Variants in NUP155 observed in about 807,000 individuals in gnomAD.
NUP155 encodes the protein nuclear pore complex protein Nup155.
NUP155 carries 71 observed loss-of-function variants against 180.4 expected under a neutral mutation model. The ratio of observed to expected loss-of-function variants is 0.39; its 90% confidence interval spans 0.33 to 0.48. The LOEUF (loss-of-function observed/expected upper bound fraction) is 0.48, where lower values mean the gene tolerates loss of function less well. Ranked by LOEUF, NUP155 falls within the 20% of genes least tolerant of loss-of-function variation. The pLI, the probability that NUP155 is intolerant of heterozygous loss-of-function variation, is 0.91. For synonymous variants in NUP155, 582 were observed against 559.5 expected, an observed-to-expected ratio of 1.04 and a Z score of -0.57; for missense variants, 1,553 against 1,648.9, an observed-to-expected ratio of 0.94 and a Z score of 1.01.
At chr5:37,292,262 C>G (rs1489653361) in intron 34 of NUP155, among the ~76,000 whole-genome samples, 1 of 150,996 alleles carries the variant, frequency 6.6e-6, no homozygotes, top group African/African-American at 2.4e-5. Flanking sequence ...GTCACTCAGG[C>G]TGCAGTGCAG....
At chr5:37,300,350 T>C (rs574544118) in intron 30 of NUP155, among the ~76,000 whole-genome samples, 70 of 152,334 alleles carry the variant, frequency 4.6e-4, no homozygotes, top group South Asian at 1.0e-3. Flanking sequence ...AGTCACCCTA[T>C]TGTGCTATCA....
intron 9 of NUP155, among the ~76,000 whole-genome samples, chr5:37,348,256 A>G (rs1176057105): frequency 6.6e-6 from 1 of 152,086 alleles, no homozygotes; most frequent in Non-Finnish European, 1.5e-5. Context: ...GTGAGCCAAG[A>G]TTGTGTCACT....
intron 19 of NUP155, 126 bp downstream of exon 19, chr5:37,325,768 CAAAAAAA>C (rs58741619): frequency 3.6e-5 from 13 of 361,100 alleles, no homozygotes; most frequent in African/African-American, 1.2e-4. Flanking sequence ...GACTCTGTCT[CAAAAAAA>C]AAAAAAAAAA....
intron 1 of NUP155, among the ~76,000 whole-genome samples, chr5:37,367,792 C>T (rs573438812): frequency 6.0e-5 from 9 of 148,966 alleles, no homozygotes; most frequent in East Asian, 6.0e-4. Flanking sequence ...CTGGGCCTCC[C>T]ATTTCTTTTG....
rs1744687281 is a variant in NUP155 at position 37,327,657 on chromosome 5, T to C, written c.1996A>G (p.Ile666Val). ...EIVYSGKHNGICIYFSRIMGN... is the reference protein window; with the variant it reads ...EIVYSGKHNGVCIYFSRIMGN... ...ATGATCCGAGAAAAGTAAATGCAAA[T>C]ACCATTGTGTTTTCCAGAGTACACA... Residue 666 changes from isoleucine to valine, a missense_variant, in exon 18 of 35, where the codon ATT (isoleucine) becomes GTT (valine). Transcript: ENST00000231498. 1.9e-6 allele frequency: 3 copies of C among 1,613,956 alleles called. No homozygotes were observed. The highest frequency in any genetic ancestry group is 2.2e-5 in the South Asian group (2 of 91,086).
intron 9 of NUP155, among the ~76,000 whole-genome samples, chr5:37,345,221 C>T (rs981941692): frequency 2.6e-5 from 4 of 151,530 alleles, no homozygotes; most frequent in Non-Finnish European, 5.9e-5. Context: ...ATGTAACAGA[C>T]TAAAGGCATG....
At chr5:37,299,241 T>G (rs565032837) in intron 31 of NUP155, among the ~76,000 whole-genome samples, 1 of 152,342 alleles carries the variant, frequency 6.6e-6, no homozygotes, top group South Asian at 2.1e-4. Flanking sequence ...ACCTTTTCAC[T>G]GAGTATTCTC....
At chr5:37,362,483 T>C (rs2111707722) in intron 3 of NUP155, among the ~76,000 whole-genome samples, 1 of 152,144 alleles carries the variant, frequency 6.6e-6, no homozygotes, top group African/African-American at 2.4e-5. Context: ...AGATGGGCTT[T>C]CTCCATGTTG....
chr5:37,296,601 C>A (rs1468149619), intron 32 of NUP155, among the ~76,000 whole-genome samples: 2 of 151,626 alleles, frequency 1.3e-5, no homozygotes, highest in African/African-American at 4.9e-5. Context: ...CCTTTGTTCA[C>A]TTGTTTATCT....
At chr5:37,304,883 T>C in intron 26 of NUP155, 40 bp from the exon 27 acceptor site, 1 of 1,569,900 alleles carries the variant, frequency 6.4e-7, no homozygotes, top group Non-Finnish European at 8.8e-7. Flanking sequence ...AGTTAAAGGC[T>C]CTGTTTCTGG....
rs115828387 is a variant in NUP155, at chr5:37,352,714, C to T, written c.556+23G>A. ...GCCAAAATACTATTATTTTAAAAAA[C>T]GTTAACATGTGGGTTGCCATACCTG... On this transcript the variant is annotated intron_variant, in intron 5 of 34. Coordinates refer to ENST00000231498, the MANE Select transcript of NUP155 (RefSeq NM_153485.3). 2.9e-4 allele frequency: 434 copies of T among 1,508,706 alleles called. No individual in the cohort carries two copies. In the Middle Eastern group the frequency reaches 9.9e-3, roughly 34 times the overall value. 93.5% of individuals were successfully genotyped at this position (1,508,706 alleles called of 1,614,324 possible). A position where few individuals can be genotyped will look rare whatever the true frequency, so the allele number is the denominator to read the frequency against.
Position 37,310,752 on chromosome 5 carries a change from A to G in NUP155, c.2437-9T>C, listed in dbSNP as rs371605296. 5.6e-6 allele frequency: 9 copies of G among 1,608,300 alleles called. No individual in the cohort carries two copies. Among genetic ancestry groups the G allele is most frequent in the South Asian group, 5.5e-5 (5 of 90,578 alleles). ...AGCTGCTCTTGAAGTTCCTAGGAGCATAAAACTTTTCTATCACAATTATAG... is the reference window on the plus strand; with the variant it reads ...AGCTGCTCTTGAAGTTCCTAGGAGCGTAAAACTTTTCTATCACAATTATAG... On this transcript the variant is annotated splice_polypyrimidine_tract_variant and intron_variant, in intron 22 of 34. Transcript: ENST00000231498.
At chr5:37,317,449 T>G (rs148695001) in intron 21 of NUP155, among the ~76,000 whole-genome samples, 1,791 of 145,764 alleles carry the variant, frequency 0.012, 50 homozygotes, top group African/African-American at 0.043. Context: ...GATCACGCCA[T>G]TGCACTCCAG....
chr5:37,320,616 AAAC>A (rs1293637618), intron 20 of NUP155, among the ~76,000 whole-genome samples: 1 of 152,248 alleles, frequency 6.6e-6, no homozygotes, highest in African/African-American at 2.4e-5. Flanking sequence ...ACAATTCAAG[AAAC>A]ATCAATGAAA....
At chr5:37,350,444 C>T (rs1042428501) in intron 6 of NUP155, among the ~76,000 whole-genome samples, 179 bp from the exon 7 acceptor site, 1 of 151,928 alleles carries the variant, frequency 6.6e-6, no homozygotes, top group African/African-American at 2.4e-5. Context: ...TGAGTTTAGC[C>T]CATAATTTAA....
intron 24 of NUP155, among the ~76,000 whole-genome samples, chr5:37,308,379 C>A (rs1380079498): frequency 6.6e-6 from 1 of 151,726 alleles, no homozygotes; most frequent in African/African-American, 2.4e-5. Context: ...ATGGTAAAAC[C>A]CCACCTCTAC....
chr5:37,348,247 T>A (rs1746230464), intron 9 of NUP155, among the ~76,000 whole-genome samples: 1 of 151,998 alleles, frequency 6.6e-6, no homozygotes, highest in Non-Finnish European at 1.5e-5. Context: ...GAGGTTGCAG[T>A]GAGCCAAGAT....
chr5:37,303,727 T>G (rs771310363), intron 27 of NUP155, among the ~76,000 whole-genome samples: 3 of 151,512 alleles, frequency 2.0e-5, no homozygotes, highest in Non-Finnish European at 4.4e-5. Context: ...GGGCAGATCA[T>G]GTGAGCTCAG....
At chr5:37,295,367 G>A (rs1034816217) in intron 32 of NUP155, among the ~76,000 whole-genome samples, 48 of 152,286 alleles carry the variant, frequency 3.2e-4, no homozygotes, top group African/African-American at 1.1e-3. Flanking sequence ...TGCCCAGGCT[G>A]GAGTGCAGTG....
Sources: allele counts gnomAD v4.1 joint callset (sites outside exome capture counted in the v4.1 genomes callset), GRCh38; gene constraint gnomAD v4.1.1; transcripts MANE v1.5; gene names NCBI Gene and HGNC (gene_info 2026-07-23, HGNC 2026-07-21).